Variants in EFNA5 observed in about 807,000 individuals in gnomAD.
EFNA5 encodes the protein ephrin-A5.
A neutral mutation model predicts 22.9 loss-of-function variants in EFNA5; 5 were observed. The ratio of observed to expected loss-of-function variants is 0.22; its 90% CI spans 0.11 to 0.46. The LOEUF is 0.46. EFNA5 is among the 20% of genes least tolerant of loss of function. The pLI is 0.99. For missense variants in EFNA5, 237 were observed against 293.3 expected (o/e 0.81, Z 1.40); for synonymous variants, 113 against 112.2 (o/e 1.01, Z -0.04).
chr5:107,492,174 A>G (rs1746823327), intron 1 of EFNA5, among the ~76,000 whole-genome samples: 1 of 152,152 alleles, frequency 6.6e-6, no homozygotes, highest in South Asian at 2.1e-4. Flanking sequence ...AAGCAAAACA[A>G]CTACAAACTT....
chr5:107,580,736 A>AAAAAG (rs1228233421), intron 1 of EFNA5, among the ~76,000 whole-genome samples: 31 of 147,558 alleles, frequency 2.1e-4, no homozygotes, highest in East Asian at 1.2e-3. Context: ...AAAAAAAAAA[A>AAAAAG]AAAAGAAAAG....
chr5:107,580,447 A>G (rs1749017970), intron 1 of EFNA5, among the ~76,000 whole-genome samples: 1 of 152,122 alleles, frequency 6.6e-6, no homozygotes, highest in Admixed American at 6.6e-5. Context: ...ACCCTTTCAC[A>G]GGAAAAAAAA....
At chr5:107,434,756 C>G (rs1157700295) in intron 1 of EFNA5, among the ~76,000 whole-genome samples, 1 of 152,172 alleles carries the variant, frequency 6.6e-6, no homozygotes, top group Non-Finnish European at 1.5e-5. Flanking sequence ...TCCCCCTTCA[C>G]ATTATGTTTT....
chr5:107,407,000 T>A (rs573585772), intron 2 of EFNA5, among the ~76,000 whole-genome samples: 3 of 152,254 alleles, frequency 2.0e-5, no homozygotes, highest in Non-Finnish European at 4.4e-5. Flanking sequence ...AGTAGGTTCT[T>A]AAATCAGCTA....
intron 4 of EFNA5, among the ~76,000 whole-genome samples, chr5:107,382,059 T>A (rs1747481031): frequency 6.6e-6 from 1 of 152,262 alleles, no homozygotes; most frequent in Admixed American, 6.5e-5. Context: ...TGACTATTTT[T>A]ATTTTTATCG....
At chr5:107,670,424 C>T (rs1358993160) in intron 1 of EFNA5, 65 bp downstream of exon 1, 3 of 1,497,944 alleles carry the variant, frequency 2.0e-6, no homozygotes, top group Non-Finnish European at 2.7e-6. Context: ...CGATCCCCGC[C>T]GCCGCTCCTT....
intron 1 of EFNA5, among the ~76,000 whole-genome samples, chr5:107,506,690 A>C (rs1195278543): frequency 2.6e-5 from 4 of 152,210 alleles, no homozygotes; most frequent in Non-Finnish European, 4.4e-5. Context: ...AGTCTTGAGC[A>C]TGGAAATAAC....
chr5:107,600,423 T>C (rs1206702439), intron 1 of EFNA5, among the ~76,000 whole-genome samples: 1 of 152,028 alleles, frequency 6.6e-6, no homozygotes, highest in Non-Finnish European at 1.5e-5. Context: ...CAACCTAATA[T>C]ACTGTGGTAG....
At chr5:107,527,290 CTTTTTTT>C (rs56960843) in intron 1 of EFNA5, among the ~76,000 whole-genome samples, 1 of 142,422 alleles carries the variant, frequency 7.0e-6, no homozygotes, top group African/African-American at 2.6e-5. Context: ...TTTCTTTTTT[CTTTTTTT>C]TTTTTGAGAT....
At chr5:107,626,829 C>A (rs560122554) in intron 1 of EFNA5, among the ~76,000 whole-genome samples, 1 of 152,048 alleles carries the variant, frequency 6.6e-6, no homozygotes, top group Non-Finnish European at 1.5e-5. Context: ...TCTTTCTTAT[C>A]AGCATTTCTT....
intron 1 of EFNA5, among the ~76,000 whole-genome samples, chr5:107,617,060 A>G (rs1162985874): frequency 6.6e-6 from 1 of 152,124 alleles, no homozygotes; most frequent in African/African-American, 2.4e-5. Flanking sequence ...CCAAGAACCA[A>G]ATCTAAAGGC....
rs187097040 is a variant in EFNA5 at position 107,648,635 on chromosome 5, G to A, written c.125+21854C>T. On this transcript the variant is annotated intron_variant, in intron 1 of 4. Coordinates refer to ENST00000333274, the MANE Select transcript of EFNA5 (RefSeq NM_001962.3). Reference sequence around the variant, plus strand: ...TACAGCACAGTTGCGATCTCCCTGCGTCAAACTTCAGGATTCAACTCATCA... The same window carrying A: ...TACAGCACAGTTGCGATCTCCCTGCATCAAACTTCAGGATTCAACTCATCA... Among the ~76,000 whole-genome samples the A allele has an allele frequency of 3.0e-3, 456 of 152,156 alleles. 3 individuals carry two copies. The highest frequency in any genetic ancestry group is 1.0e-2 in the African/African-American group (415 of 41,508).
chr5:107,468,951 T>C (rs1431422313), intron 1 of EFNA5, among the ~76,000 whole-genome samples: 5 of 152,208 alleles, frequency 3.3e-5, no homozygotes, highest in African/African-American at 7.2e-5. Flanking sequence ...TAATTACTTA[T>C]GGGTGATGGA....
intron 1 of EFNA5, among the ~76,000 whole-genome samples, chr5:107,600,723 A>G (rs1208450141): frequency 6.6e-6 from 1 of 151,908 alleles, no homozygotes; most frequent in Non-Finnish European, 1.5e-5. Flanking sequence ...CCTGACCTCA[A>G]GTGATCCACC....
chr5:107,380,501 C>T lies in EFNA5; in HGVS notation c.*754G>A. 4.8e-6 allele frequency: 1 copy of T among 209,056 alleles called. No homozygotes were observed. Among genetic ancestry groups the T allele is most frequent in the Non-Finnish European group, 9.3e-6 (1 of 107,940 alleles). The allele number at this position is 209,056 out of a possible 1,614,324, so 13.0% of individuals were successfully genotyped here. On this transcript the variant is annotated 3_prime_UTR_variant, in exon 5 of 5. Coordinates refer to ENST00000333274, the MANE Select transcript of EFNA5 (RefSeq NM_001962.3). ...AAAAAATTAGAGGCACTCACACATA[C>T]ACACCCCCAGCAAACCTGTAGTTTT...
chr5:107,414,133 A>T (rs1748444788), intron 2 of EFNA5, among the ~76,000 whole-genome samples: 1 of 152,152 alleles, frequency 6.6e-6, no homozygotes, highest in African/African-American at 2.4e-5. Flanking sequence ...TTAAAAATAG[A>T]TTCCTACATT....
chr5:107,630,347 C>T (rs555106731), intron 1 of EFNA5, among the ~76,000 whole-genome samples: 23 of 152,294 alleles, frequency 1.5e-4, no homozygotes, highest in Middle Eastern at 3.4e-3. Context: ...TACTACACAC[C>T]TAGGCTATAT....
chr5:107,587,309 G>A (rs548866346), intron 1 of EFNA5, among the ~76,000 whole-genome samples: 2 of 152,200 alleles, frequency 1.3e-5, no homozygotes, highest in African/African-American at 4.8e-5. Context: ...GGCCTCCAAA[G>A]AAACCTGAAA....
chr5:107,604,190 A>G lies in EFNA5; in HGVS notation c.125+66299T>C, dbSNP rs192779640. On this transcript the variant is annotated intron_variant, in intron 1 of 4. Transcript: ENST00000333274. ...ACCAATATTAATCTTTTATTTATTT[A>G]TTTTTTAAGAGACAGGGTCTACCTC... Among the ~76,000 whole-genome samples, 697 of 152,198 alleles carry G rather than the reference A, an allele frequency of 4.6e-3. 9 individuals carry two copies. Among genetic ancestry groups the G allele is most frequent in the Middle Eastern group, 0.01 (3 of 294 alleles).
Sources: allele counts gnomAD v4.1 joint callset (sites outside exome capture counted in the v4.1 genomes callset), GRCh38; gene constraint gnomAD v4.1.1; transcripts MANE v1.5; gene names NCBI Gene and HGNC (gene_info 2026-07-23, HGNC 2026-07-21).